CCDC171: variants seen among roughly 807,000 people sequenced by gnomAD.
The protein encoded by CCDC171 is coiled-coil domain containing 171.
In CCDC171, 177 loss-of-function variants were observed where a neutral mutation model predicts 168.2. The observed-to-expected ratio is 1.05, with a 90% CI of 0.93 to 1.19. The LOEUF (loss-of-function observed/expected upper bound fraction) is 1.19. CCDC171 is among the 50% of genes most tolerant of loss of function. The pLI, the probability that CCDC171 is intolerant of heterozygous loss-of-function variation, is 0.00. For synonymous variants in CCDC171, 687 were observed against 540.8 expected, an observed-to-expected ratio of 1.27 and a Z score of -3.75; for missense variants, 1,991 against 1,539.0, an observed-to-expected ratio of 1.29 and a Z score of -4.91.
At chr9:15,712,154 C>A (rs2052718284) in intron 11 of CCDC171, among the ~76,000 whole-genome samples, 1 of 152,230 alleles carries the variant, frequency 6.6e-6, no homozygotes, top group Non-Finnish European at 1.5e-5. Flanking sequence ...TCTCTTCAGA[C>A]CTTCAACAGA....
chr9:16,087,482 A>G, the CCDC171 span, among the ~76,000 whole-genome samples: 3 of 151,208 alleles, frequency 2.0e-5, no homozygotes, highest in African/African-American at 7.3e-5. Context: ...GCCATTATGT[A>G]ATGCCCTTCT....
At chr9:15,880,547 A>C (rs2487758) in intron 24 of CCDC171, among the ~76,000 whole-genome samples, 116,331 of 149,368 alleles carry the variant, frequency 0.78, 46,006 homozygotes, top group East Asian at 0.85. Context: ...ACCTCCCGCA[A>C]CCGGGTTCAA....
intron 18 of CCDC171, among the ~76,000 whole-genome samples, chr9:15,758,685 C>T (rs2056274781): frequency 1.3e-5 from 2 of 152,030 alleles, no homozygotes; most frequent in Non-Finnish European, 2.9e-5. Flanking sequence ...CCCATATTTC[C>T]CATGTGTTGT....
downstream of CCDC171, chr9:16,061,744 A>G (rs539565568): frequency 1.3e-5 from 2 of 152,334 alleles, no homozygotes; most frequent in East Asian, 3.9e-4. Context: ...CCATGAAGCC[A>G]TACTTTTCAT....
At position 15,556,719 on chromosome 9, in the gene CCDC171, T is replaced by C. The variant is rs907244152; in HGVS notation, c.-112+3417T>C. ...TGTTCACTCTGATGGTAGTTTCTTT[T>C]GCTGTGCAGAAGCTCTTTAGTTTAA... is the stretch of plus-strand genomic sequence containing the variant. On this transcript the variant is annotated intron_variant, in intron 1 of 25. Transcript: ENST00000380701. Among the ~76,000 whole-genome samples the C allele has an allele frequency of 2.7e-4, 41 of 152,074 alleles. 1 individual carries two copies. The highest frequency in any genetic ancestry group is 1.8e-3 in the Admixed American group (28 of 15,268).
chr9:15,675,407 C>T (rs2049467617), intron 9 of CCDC171, among the ~76,000 whole-genome samples: 1 of 152,032 alleles, frequency 6.6e-6, no homozygotes, highest in African/African-American at 2.4e-5. Context: ...GAATCTGATC[C>T]TGTCATTATG....
At chr9:15,966,220 A>C (rs1228859243) in intron 25 of CCDC171, among the ~76,000 whole-genome samples, 1 of 152,236 alleles carries the variant, frequency 6.6e-6, no homozygotes, top group Non-Finnish European at 1.5e-5. Flanking sequence ...GGATGGGAAG[A>C]GGATCCAGAA....
chr9:15,586,914 C>A (rs181872939), intron 4 of CCDC171, among the ~76,000 whole-genome samples: 260 of 152,202 alleles, frequency 1.7e-3, no homozygotes, highest in African/African-American at 5.8e-3. Context: ...CTTAAGCCAT[C>A]CTCCCACCTC....
intron 21 of CCDC171, among the ~76,000 whole-genome samples, chr9:15,828,029 T>C (rs1381642139): frequency 3.3e-5 from 5 of 152,136 alleles, no homozygotes; most frequent in African/African-American, 1.2e-4. Context: ...GTAGAGGATA[T>C]AGGAATAGAA....
intron 21 of CCDC171, among the ~76,000 whole-genome samples, chr9:15,822,378 C>A (rs2059814892): frequency 6.6e-6 from 1 of 151,372 alleles, no homozygotes; most frequent in African/African-American, 2.4e-5. Context: ...AAAGAAACTA[C>A]CATCAGAGTG....
At position 15,562,473 on chromosome 9, in the gene CCDC171, C is replaced by T. The variant is rs1464925159; in HGVS notation, c.-111-1505C>T. 9.2e-5 allele frequency among the ~76,000 whole-genome samples: 14 copies of T among 152,168 alleles called. 1 individual carries two copies. The highest frequency in any genetic ancestry group is 9.2e-4 in the Admixed American group (14 of 15,260). ...CTGAGCTATGGAAGATGCTATCTCT[C>T]TAGAGGACCATTCAGATTTGAAGAT... On this transcript the variant is annotated intron_variant, in intron 1 of 25. Transcript: ENST00000380701.
At chr9:15,807,452 C>T (rs947934942) in intron 21 of CCDC171, among the ~76,000 whole-genome samples, 7 of 152,196 alleles carry the variant, frequency 4.6e-5, no homozygotes, top group South Asian at 2.1e-4. Flanking sequence ...CTTGTAAGGA[C>T]GGGGATAGAA....
At chr9:15,867,319 T>C (rs1457339233) in intron 23 of CCDC171, among the ~76,000 whole-genome samples, 1 of 152,084 alleles carries the variant, frequency 6.6e-6, no homozygotes, top group African/African-American at 2.4e-5. Flanking sequence ...ATTTTTGATT[T>C]TTAGTTTTCC....
Position 15,820,749 on chromosome 9 carries a change from A to G in CCDC171, c.3268-25953A>G, listed in dbSNP as rs112669528. Among the ~76,000 whole-genome samples, 5 of 117,690 alleles carry G rather than the reference A, an allele frequency of 4.2e-5. 1 individual carries two copies. Among genetic ancestry groups the G allele is most frequent in the Admixed American group, 8.0e-5 (1 of 12,458 alleles). 77.2% of individuals were successfully genotyped at this position (117,690 alleles called of 152,430 possible). ...CCAGATGGATTCACAGCCGAATTCT[A>G]CCAGAGGTACAGGAGGAGCTGGTAC... On this transcript the variant is annotated intron_variant, in intron 21 of 25. Coordinates refer to ENST00000380701, the MANE Select transcript of CCDC171 (RefSeq NM_173550.4).
At chr9:15,644,350 C>A (rs989877582) in intron 7 of CCDC171, among the ~76,000 whole-genome samples, 3 of 152,162 alleles carry the variant, frequency 2.0e-5, no homozygotes, top group African/African-American at 7.2e-5. Context: ...GTATTTCCAA[C>A]TGAGGTACTG....
At chr9:15,944,671 G>T (rs1345866616) in intron 25 of CCDC171, among the ~76,000 whole-genome samples, 1 of 151,916 alleles carries the variant, frequency 6.6e-6, no homozygotes, top group Non-Finnish European at 1.5e-5. Context: ...TGCCTGTAAG[G>T]TTCCTGTTAT....
chr9:15,655,451 G>A (rs1298953287), intron 7 of CCDC171, among the ~76,000 whole-genome samples: 2 of 152,106 alleles, frequency 1.3e-5, no homozygotes, highest in East Asian at 3.8e-4. Context: ...CTAGTAATCC[G>A]CTACTTCCCA....
At chr9:16,076,329 C>T in the CCDC171 span, among the ~76,000 whole-genome samples, 2 of 152,324 alleles carry the variant, frequency 1.3e-5, no homozygotes, top group African/African-American at 4.8e-5. Flanking sequence ...GTACCCCCTG[C>T]GCCGGGTTGG....
chr9:15,986,441 C>T (rs1049183111), intron 3 of CCDC171, among the ~76,000 whole-genome samples: 11 of 152,182 alleles, frequency 7.2e-5, no homozygotes, highest in African/African-American at 1.9e-4. Flanking sequence ...AGCTGATCCC[C>T]GAACTTACTT....
Sources: gnomAD v4.1 joint callset for allele counts (sites outside exome capture counted in the v4.1 genomes callset) on GRCh38, gnomAD v4.1.1 for gene constraint, MANE v1.5 for transcripts, NCBI Gene and HGNC (gene_info 2026-07-23, HGNC 2026-07-21) for gene names.